The following PLD1 variants were observed in gnomAD, a reference collection of about 807,000 sequenced individuals.
The protein encoded by PLD1 is choline phosphatase 1.
Under a neutral mutation model 137.1 loss-of-function variants are expected in PLD1, and 112 were observed. The ratio of observed to expected loss-of-function variants is 0.82; its 90% CI spans 0.70 to 0.96. PLD1 has a LOEUF of 0.96. Among genes scored for constraint, PLD1 ranks in the 40% least tolerant of loss-of-function variants. PLD1 has a pLI of 0.00. For missense variants in PLD1, 1,321 were observed against 1,342.0 expected, an observed-to-expected ratio of 0.98 and a Z score of 0.24; for synonymous variants, 431 against 454.7, an observed-to-expected ratio of 0.95 and a Z score of 0.66.
Position 171,809,229 on chromosome 3 carries a change from C to T in PLD1, c.-32+1170G>A, listed in dbSNP as rs1269912218. The stretch of plus-strand genomic sequence containing the variant: ...AAGATCCCCAAACAACATTTAAAGG[C>T]TGTCTACAAATTCAAGCTAAAAGAC... On this transcript the variant is annotated intron_variant, in intron 1 of 26. Coordinates refer to ENST00000351298, the MANE Select transcript of PLD1 (RefSeq NM_002662.5). The T allele has an allele frequency of 3.9e-5, 6 of 152,250 alleles. No homozygotes were observed. The East Asian group carries it at 1.2e-3, about 29-fold the overall frequency. The allele number at this position is 152,250 out of a possible 1,614,324, so 9.4% of individuals were successfully genotyped here.
At chr3:171,809,854 G>C (rs1411152836) in intron 1 of PLD1, 1 of 152,480 alleles carries the variant, frequency 6.6e-6, no homozygotes, top group African/African-American at 2.4e-5. Flanking sequence ...CCTCCGAGTG[G>C]TCACATCACA....
chr3:171,671,896 C>A (rs552393616), intron 19 of PLD1, among the ~76,000 whole-genome samples: 1 of 151,608 alleles, frequency 6.6e-6, no homozygotes, highest in Non-Finnish European at 1.5e-5. Context: ...TGCTTCTTGC[C>A]CAATCGAAAA....
At chr3:171,653,914 G>A (rs1210666482) in intron 21 of PLD1, 1 of 227,420 alleles carries the variant, frequency 4.4e-6, no homozygotes, top group Non-Finnish European at 9.0e-6. Flanking sequence ...ACATACCTGT[G>A]GATAACAGAG....
rs984175041 is a variant in PLD1, at chr3:171,612,428, A to G, written c.2733T>C (p.Ser911=). ...IADDNTVIIG[S]ANINDRSMLG... Reference sequence around the variant, plus strand: ...GCATGCTGCGGTCATTTATGTTGGCAGAGCCTGTAAGGAGAAACAGTGAGG... The same window carrying G: ...GCATGCTGCGGTCATTTATGTTGGCGGAGCCTGTAAGGAGAAACAGTGAGG... Residue 911 remains serine (S), a synonymous_variant, in exon 25 of 27, where the codon TCT becomes TCC. Transcript: ENST00000351298. The surrounding 1 kb of genome is among the most constrained non-coding windows in gnomAD (Gnocchi z 4.1). The G allele has an allele frequency of 3.1e-6, 5 of 1,613,822 alleles. No homozygotes were observed. The highest frequency in any genetic ancestry group is 3.3e-4 in the Middle Eastern group (2 of 6,080).
chr3:171,633,817 C>A (rs1453734813), intron 23 of PLD1, among the ~76,000 whole-genome samples: 1 of 151,856 alleles, frequency 6.6e-6, no homozygotes, highest in Non-Finnish European at 1.5e-5. Context: ...GCTAAAATAC[C>A]AAAATTAACA....
At chr3:171,783,127 G>C (rs1328521685) in intron 1 of PLD1, among the ~76,000 whole-genome samples, 1 of 152,132 alleles carries the variant, frequency 6.6e-6, no homozygotes, top group African/African-American at 2.4e-5. Context: ...TTAGGGGTTT[G>C]AGGAAAGAAA....
intron 21 of PLD1, among the ~76,000 whole-genome samples, chr3:171,655,347 G>A (rs1039011050): frequency 6.6e-6 from 1 of 151,990 alleles, no homozygotes; most frequent in Non-Finnish European, 1.5e-5. Flanking sequence ...AAAATATGTT[G>A]TTTCTTTCAT....
chr3:171,759,336 A>C (rs529911274), intron 1 of PLD1, among the ~76,000 whole-genome samples: 1 of 152,334 alleles, frequency 6.6e-6, no homozygotes, highest in Non-Finnish European at 1.5e-5. Context: ...ATGAAGTTAT[A>C]TTTTGATGAT....
chr3:171,787,862 A>C (rs545482555), intron 1 of PLD1, among the ~76,000 whole-genome samples: 3 of 152,084 alleles, frequency 2.0e-5, no homozygotes, highest in Admixed American at 2.0e-4. Flanking sequence ...AAAAAAAACT[A>C]GAAAAATATT....
intron 1 of PLD1, among the ~76,000 whole-genome samples, chr3:171,770,620 G>A (rs952453027): frequency 3.3e-5 from 5 of 152,102 alleles, no homozygotes; most frequent in Non-Finnish European, 4.4e-5. Flanking sequence ...GGTGGCTCAC[G>A]CCTGTAATCC....
chr3:171,626,664 C>A (rs934042376), intron 23 of PLD1, among the ~76,000 whole-genome samples: 4 of 151,870 alleles, frequency 2.6e-5, no homozygotes. Flanking sequence ...TCAGCAGAAA[C>A]TCTACAAGCC....
chr3:171,730,789 C>G (rs933257503), intron 6 of PLD1, among the ~76,000 whole-genome samples: 1 of 152,110 alleles, frequency 6.6e-6, no homozygotes, highest in Non-Finnish European at 1.5e-5. Flanking sequence ...AAGGCGCCCA[C>G]CACCACGCCT....
chr3:171,686,982 A>G (rs1267786310), intron 15 of PLD1, among the ~76,000 whole-genome samples, 184 bp from the exon 16 acceptor site: 2 of 152,212 alleles, frequency 1.3e-5, no homozygotes, highest in Non-Finnish European at 1.5e-5. Context: ...AAGATGTAGA[A>G]AGTCTGATGT....
At chr3:171,788,250 CTTTTTTTTTTT>C (rs58878929) in intron 1 of PLD1, among the ~76,000 whole-genome samples, 4 of 110,558 alleles carry the variant, frequency 3.6e-5, no homozygotes, top group Non-Finnish European at 5.3e-5. Context: ...ATCTGCACTT[CTTTTTTTTTTT>C]TTTTTTTTTT....
Position 171,680,242 on chromosome 3 carries a change from C to CTTTTTTTTTTTTTTTTTTTTTTTTTTT in PLD1, c.1868-2549_1868-2548insAAAAAAAAAAAAAAAAAAAAAAAAAAA, listed in dbSNP as rs571538714. On this transcript the variant is annotated intron_variant, in intron 16 of 26. Coordinates refer to ENST00000351298, the MANE Select transcript of PLD1 (RefSeq NM_002662.5). Reference sequence around the variant, plus strand: ...GTCTTTTTGTTTTCTTTTTCTTCCTCTTTTTTTTTTTTTTTTTTTTTTTTT... The same window carrying CTTTTTTTTTTTTTTTTTTTTTTTTTTT: ...GTCTTTTTGTTTTCTTTTTCTTCCTCTTTTTTTTTTTTTTTTTTTTTTTTTTTTTTTTTTTTTTTTTTTTTTTTTTTT... Among the ~76,000 whole-genome samples the CTTTTTTTTTTTTTTTTTTTTTTTTTTT allele has an allele frequency of 1.9e-5, 2 of 102,928 alleles. 1 individual carries two copies. The highest frequency in any genetic ancestry group is 8.4e-5 in the African/African-American group (2 of 23,884). 67.5% of individuals were successfully genotyped at this position (102,928 alleles called of 152,430 possible). A position where few individuals can be genotyped will look rare whatever the true frequency, so the allele number is the denominator to read the frequency against.
At chr3:171,605,774 A>G (rs781593000) in intron 25 of PLD1, among the ~76,000 whole-genome samples, 1 of 152,222 alleles carries the variant, frequency 6.6e-6, no homozygotes, top group African/African-American at 2.4e-5. Context: ...CTCATTCTGT[A>G]GATAGGAAAC....
At chr3:171,799,991 C>T in intron 1 of PLD1, among the ~76,000 whole-genome samples, 1 of 151,948 alleles carries the variant, frequency 6.6e-6, no homozygotes, top group Admixed American at 6.6e-5. Flanking sequence ...GTATCCTGGG[C>T]AAGATACTGG....
At chr3:171,802,318 A>G (rs144718466) in intron 1 of PLD1, among the ~76,000 whole-genome samples, 1 of 152,352 alleles carries the variant, frequency 6.6e-6, no homozygotes, top group African/African-American at 2.4e-5. Flanking sequence ...TAGCATGAAA[A>G]TAACCCTAGG....
intron 11 of PLD1, among the ~76,000 whole-genome samples, chr3:171,701,554 C>T (rs1215330949): frequency 6.6e-6 from 1 of 152,174 alleles, no homozygotes; most frequent in Non-Finnish European, 1.5e-5. Flanking sequence ...CATGTGTACC[C>T]TTGTATGCTA....
Sources: gnomAD v4.1 joint callset for allele counts (sites outside exome capture counted in the v4.1 genomes callset) on GRCh38, gnomAD v4.1.1 for gene constraint, Gnocchi (gnomAD v3.1) non-coding constraint, MANE v1.5 for transcripts, NCBI Gene and HGNC (gene_info 2026-07-23, HGNC 2026-07-21) for gene names.